SASH1: variants seen among roughly 807,000 people sequenced by gnomAD.
SASH1 encodes the protein SAM and SH3 domain containing 1.
In SASH1, 44 loss-of-function variants were observed where a neutral mutation model predicts 125.2. That is an observed-to-expected ratio of 0.35 (90% CI 0.28 to 0.45). SASH1 has a LOEUF of 0.45. SASH1 is among the 20% of genes least tolerant of loss of function. The probability of loss-of-function intolerance (pLI) is 1.00; values close to 1 mark genes in which losing one functional copy is unlikely to be tolerated. For synonymous variants in SASH1, 639 were observed against 649.1 expected (o/e 0.98, Z 0.24); for missense variants, 1,426 against 1,614.5 (o/e 0.88, Z 2.00).
At chr6:148,369,974 A>AC (rs1394479233) in intron 1 of SASH1, among the ~76,000 whole-genome samples, 23 of 149,764 alleles carry the variant, frequency 1.5e-4, no homozygotes, top group African/African-American at 4.9e-4. Flanking sequence ...AACAAAAAAA[A>AC]AAAAAAAAAA....
the SASH1 span, among the ~76,000 whole-genome samples, chr6:148,196,501 TC>T: frequency 6.6e-6 from 1 of 152,228 alleles, no homozygotes; most frequent in African/African-American, 2.4e-5. Context: ...CATAGTCCTG[TC>T]TGATCATCTC....
At chr6:148,245,653 T>G in the SASH1 span, among the ~76,000 whole-genome samples, 70 of 151,936 alleles carry the variant, frequency 4.6e-4, no homozygotes, top group Non-Finnish European at 4.4e-5. Context: ...TGGTACGGTT[T>G]GGTTTGGGTT....
chr6:148,432,068 T>A (rs992373752), intron 2 of SASH1, among the ~76,000 whole-genome samples: 1 of 151,670 alleles, frequency 6.6e-6, no homozygotes, highest in Non-Finnish European at 1.5e-5. Context: ...GTCTGCCTCC[T>A]GGGTTCAAGC....
the SASH1 span, among the ~76,000 whole-genome samples, chr6:148,236,940 T>C: frequency 1.6e-4 from 24 of 152,244 alleles, no homozygotes; most frequent in Admixed American, 8.5e-4. Context: ...GTGAGTTCCA[T>C]TCTCTCTCTC....
chr6:148,274,186 A>T (rs1466681779), intron 1 of SASH1, among the ~76,000 whole-genome samples: 1 of 152,190 alleles, frequency 6.6e-6, no homozygotes, highest in East Asian at 1.9e-4. Context: ...CAGGAGTCCA[A>T]GGGAGGCTGG....
Position 148,531,065 on chromosome 6 carries a change from AT to A in SASH1, c.1429-451del, listed in dbSNP as rs199698614. On this transcript the variant is annotated intron_variant, in intron 12 of 19. Coordinates refer to ENST00000367467, the MANE Select transcript of SASH1 (RefSeq NM_015278.5). The stretch of plus-strand genomic sequence containing the variant: ...AAATAGAAATATAAGAATCTAGCCA[AT>A]TTTTTTTTTCCAGGAATACACTTTT... Among the ~76,000 whole-genome samples, 406 of 150,656 alleles carry A rather than the reference AT, an allele frequency of 2.7e-3. 6 individuals carry two copies. Among genetic ancestry groups the A allele is most frequent in the African/African-American group, 8.8e-3 (361 of 41,114 alleles).
the SASH1 span, among the ~76,000 whole-genome samples, chr6:148,218,028 T>TAA: frequency 7.1e-6 from 1 of 140,730 alleles, no homozygotes; most frequent in African/African-American, 2.6e-5. Context: ...AAAAAAAAAA[T>TAA]AAATAAAAAA....
rs1381451505 is a variant in SASH1 at position 148,550,872 on chromosome 6, C to T, written c.*2314C>T. 6 of 152,254 alleles carry T rather than the reference C, an allele frequency of 3.9e-5. No homozygotes were observed. Among genetic ancestry groups the T allele is most frequent in the Non-Finnish European group, 7.3e-5 (5 of 68,040 alleles). 9.4% of individuals were successfully genotyped at this position (152,254 alleles called of 1,614,324 possible). A position where few individuals can be genotyped will look rare whatever the true frequency, so the allele number is the denominator to read the frequency against. On this transcript the variant is annotated 3_prime_UTR_variant, in exon 20 of 20. Coordinates refer to ENST00000367467, the MANE Select transcript of SASH1 (RefSeq NM_015278.5). ...TGTAAGAGATGAGATAACAAAGGAG[C>T]GAGAGAAATCTCATGTGAATTTCCA...
rs375142853 is a variant in SASH1 at position 148,290,125 on chromosome 6, C to T, written n.74+17748C>T. Among the ~76,000 whole-genome samples the T allele has an allele frequency of 1.0e-4, 15 of 150,580 alleles. No homozygotes were observed. The East Asian group carries it at 1.6e-3, about 16-fold the overall frequency. ...TCAGTTGATCCGCCCACCTCGGCCTCCCAAAGTGCTGGGATTACAGGCGAG... is the reference window on the plus strand; with the variant it reads ...TCAGTTGATCCGCCCACCTCGGCCTTCCAAAGTGCTGGGATTACAGGCGAG... On this transcript the variant is annotated intron_variant and non_coding_transcript_variant, in intron 1 of 3. Coordinates refer to the SASH1 transcript ENST00000367469.
At chr6:148,416,204 G>T (rs1392556970) in intron 2 of SASH1, among the ~76,000 whole-genome samples, 1 of 152,178 alleles carries the variant, frequency 6.6e-6, no homozygotes, top group Admixed American at 6.5e-5. Flanking sequence ...GTTCCCTCCT[G>T]TTCCTCTTGA....
intron 1 of SASH1, among the ~76,000 whole-genome samples, chr6:148,312,882 C>T (rs1473518675): frequency 6.6e-6 from 1 of 151,980 alleles, no homozygotes; most frequent in African/African-American, 2.4e-5. Flanking sequence ...GTGGCTGTTG[C>T]TAGATGAGAA....
intron 1 of SASH1, among the ~76,000 whole-genome samples, chr6:148,326,335 T>TATATATATATACATATGC (rs1780804485): frequency 1.5e-5 from 1 of 67,146 alleles, no homozygotes; most frequent in African/African-American, 5.5e-5. Context: ...TATATATATA[T>TATATATATATACATATGC]ATATATATAT....
chr6:148,320,634 G>T (rs922644267), intron 1 of SASH1, among the ~76,000 whole-genome samples: 1 of 152,192 alleles, frequency 6.6e-6, no homozygotes, highest in Non-Finnish European at 1.5e-5. Flanking sequence ...AGCCTACAAG[G>T]TGGAAAGTGT....
chr6:148,242,364 C>G, the SASH1 span, among the ~76,000 whole-genome samples: 1 of 152,124 alleles, frequency 6.6e-6, no homozygotes, highest in South Asian at 2.1e-4. Context: ...TTTTTCTTGG[C>G]AAGGCACTTT....
intron 1 of SASH1, among the ~76,000 whole-genome samples, chr6:148,314,497 G>T (rs1780426653): frequency 6.6e-6 from 1 of 152,098 alleles, no homozygotes; most frequent in African/African-American, 2.4e-5. Context: ...GGAATTTACT[G>T]AGCCCGCTGA....
intron 1 of SASH1, among the ~76,000 whole-genome samples, chr6:148,312,623 A>C (rs1041179066): frequency 2.0e-5 from 3 of 152,338 alleles, no homozygotes; most frequent in Admixed American, 2.0e-4. Context: ...AGAAATACCC[A>C]TTTCCTCATC....
intron 1 of SASH1, among the ~76,000 whole-genome samples, chr6:148,365,518 C>T (rs1196728181): frequency 6.6e-6 from 1 of 151,516 alleles, no homozygotes; most frequent in Non-Finnish European, 1.5e-5. Flanking sequence ...TACTGAAGTA[C>T]ATCTCATTCT....
At chr6:148,266,244 C>T in the SASH1 span, among the ~76,000 whole-genome samples, 2 of 152,216 alleles carry the variant, frequency 1.3e-5, no homozygotes, top group Non-Finnish European at 2.9e-5. Context: ...GCTGGGATTA[C>T]AGGCGTGAGC....
the SASH1 span, among the ~76,000 whole-genome samples, chr6:148,252,762 A>G: frequency 6.6e-6 from 1 of 152,176 alleles, no homozygotes; most frequent in Non-Finnish European, 1.5e-5. Context: ...TACAGCCATG[A>G]GCCACCATGC....
Sources: allele counts gnomAD v4.1 joint callset (sites outside exome capture counted in the v4.1 genomes callset), GRCh38; gene constraint gnomAD v4.1.1; transcripts MANE v1.5; gene names NCBI Gene and HGNC (gene_info 2026-07-23, HGNC 2026-07-21).